Variants in PTPRN2 observed in about 807,000 individuals in gnomAD.
PTPRN2 encodes receptor-type tyrosine-protein phosphatase N2.
A neutral mutation model predicts 118.8 loss-of-function variants in PTPRN2; 74 were observed. The ratio of observed to expected loss-of-function variants is 0.62; its 90% CI spans 0.52 to 0.76. The LOEUF (loss-of-function observed/expected upper bound fraction) is 0.76, where lower values mean the gene tolerates loss of function less well. Ranked by LOEUF, PTPRN2 falls within the 30% of genes least tolerant of loss-of-function variation. PTPRN2 has a pLI of 0.00. For synonymous variants in PTPRN2, 641 were observed against 608.0 expected, an observed-to-expected ratio of 1.05 and a Z score of -0.80; for missense variants, 1,481 against 1,394.4, an observed-to-expected ratio of 1.06 and a Z score of -0.99.
At chr7:158,337,336 C>A (rs1449196485) in intron 2 of PTPRN2, among the ~76,000 whole-genome samples, 9 of 136,776 alleles carry the variant, frequency 6.6e-5, no homozygotes, top group Admixed American at 1.5e-4. Context: ...CACTGTCACC[C>A]TAAGAGGTGA....
intron 12 of PTPRN2, among the ~76,000 whole-genome samples, chr7:157,829,273 G>T (rs755800447): frequency 6.6e-6 from 1 of 152,248 alleles, no homozygotes; most frequent in African/African-American, 2.4e-5. Context: ...TGCTGCGAGT[G>T]TTGGGGCAGG....
intron 11 of PTPRN2, among the ~76,000 whole-genome samples, chr7:157,958,063 A>T (rs183291761): frequency 2.6e-5 from 4 of 152,320 alleles, no homozygotes; most frequent in Non-Finnish European, 4.4e-5. Context: ...ACCAAGTGGG[A>T]TGTATTCCTA....
chr7:157,971,657 G>C (rs1429830993), intron 11 of PTPRN2, among the ~76,000 whole-genome samples: 1 of 150,676 alleles, frequency 6.6e-6, no homozygotes, highest in African/African-American at 2.4e-5. Flanking sequence ...CTTTGATTAA[G>C]ACACAAATCC....
chr7:157,557,113 T>A (rs538462435), intron 21 of PTPRN2, among the ~76,000 whole-genome samples: 1 of 145,352 alleles, frequency 6.9e-6, no homozygotes, highest in Admixed American at 6.8e-5. Context: ...GGCATGCACA[T>A]GCTCACACAA....
chr7:158,340,375 AC>A (rs778846714), intron 2 of PTPRN2, among the ~76,000 whole-genome samples: 7,050 of 64,654 alleles, frequency 0.11, no homozygotes, highest in Middle Eastern at 0.14. Context: ...GGTCACTCAC[AC>A]CCATACTCTC....
At chr7:157,553,412 C>A (rs911093728) in intron 21 of PTPRN2, among the ~76,000 whole-genome samples, 5 of 152,144 alleles carry the variant, frequency 3.3e-5, no homozygotes, top group Non-Finnish European at 7.4e-5. Flanking sequence ...GAGGAAGGGG[C>A]TCTCCCTCCG....
intron 3 of PTPRN2, among the ~76,000 whole-genome samples, chr7:158,235,548 C>T (rs1829475218): frequency 6.6e-6 from 1 of 152,152 alleles, no homozygotes; most frequent in Non-Finnish European, 1.5e-5. Context: ...AAATGGATCT[C>T]ATGAGGGTGC....
At chr7:158,200,750 TA>T (rs1826582133) in intron 4 of PTPRN2, among the ~76,000 whole-genome samples, 1 of 152,130 alleles carries the variant, frequency 6.6e-6, no homozygotes, top group African/African-American at 2.4e-5. Flanking sequence ...ATTTGAAGTT[TA>T]AAAACAACAC....
At chr7:158,230,056 A>G (rs1829066471) in intron 3 of PTPRN2, among the ~76,000 whole-genome samples, 2 of 152,204 alleles carry the variant, frequency 1.3e-5, no homozygotes, top group Admixed American at 1.3e-4. Flanking sequence ...ACTACTCAAC[A>G]GAAACCATAC....
rs1390666500 is a variant in PTPRN2, at chr7:157,560,953, C to A, written c.2902+7949G>T. ...CAGAAGGCTGAGCCTCATGCACCTG[C>A]ACCTCCTTCTCTTGGTGCCTGCGCC... On this transcript the variant is annotated intron_variant, in intron 21 of 22. Transcript: ENST00000389418. The surrounding 1 kb of genome is among the most constrained non-coding windows in gnomAD (Gnocchi z 6.7). 1.3e-5 allele frequency among the ~76,000 whole-genome samples: 2 copies of A among 152,212 alleles called. No homozygotes were observed. The highest frequency in any genetic ancestry group is 2.9e-5 in the Non-Finnish European group (2 of 68,036).
At chr7:157,825,655 C>T (rs1225949676) in intron 12 of PTPRN2, among the ~76,000 whole-genome samples, 1 of 152,188 alleles carries the variant, frequency 6.6e-6, no homozygotes, top group African/African-American at 2.4e-5. Flanking sequence ...CCACTGCCCT[C>T]CACATTTGTT....
At chr7:158,300,483 T>C (rs575274285) in intron 3 of PTPRN2, among the ~76,000 whole-genome samples, 1 of 103,104 alleles carries the variant, frequency 9.7e-6, no homozygotes, top group African/African-American at 3.6e-5. Flanking sequence ...CAACCTATAT[T>C]TTGTGTGAGA....
chr7:158,341,939 A>T (rs1806919140), intron 2 of PTPRN2, among the ~76,000 whole-genome samples: 1 of 127,946 alleles, frequency 7.8e-6, no homozygotes, highest in African/African-American at 3.0e-5. Flanking sequence ...CCACATTCTC[A>T]CCATAAGAGC....
intron 3 of PTPRN2, among the ~76,000 whole-genome samples, chr7:158,300,564 G>GCCCGCCACCCAGTCCCGCAGCGCCTCA (rs1800818356): frequency 6.6e-6 from 1 of 151,880 alleles, no homozygotes; most frequent in Non-Finnish European, 1.5e-5. Context: ...ACAGCGCCTC[G>GCCCGCCACCCAGTCCCGCAGCGCCTCA]CCCGCCACCC....
chr7:157,891,347 C>T (rs967240981), intron 12 of PTPRN2, among the ~76,000 whole-genome samples: 1 of 152,046 alleles, frequency 6.6e-6, no homozygotes. Flanking sequence ...TCGAACACAT[C>T]CGTCACCCAT....
chr7:158,440,987 G>T (rs1295967421), intron 2 of PTPRN2, among the ~76,000 whole-genome samples: 1 of 149,374 alleles, frequency 6.7e-6, no homozygotes, highest in Non-Finnish European at 1.5e-5. Flanking sequence ...TAGTGGTGGT[G>T]GTGATGGCAG....
intron 17 of PTPRN2, among the ~76,000 whole-genome samples, chr7:157,589,887 G>A (rs1251291971): frequency 6.6e-6 from 1 of 152,232 alleles, no homozygotes; most frequent in East Asian, 1.9e-4. Context: ...CGGCGTGGAT[G>A]AAGAGGGAGC....
At chr7:158,434,638 T>G (rs1424422107) in intron 2 of PTPRN2, among the ~76,000 whole-genome samples, 1 of 152,236 alleles carries the variant, frequency 6.6e-6, no homozygotes, top group Non-Finnish European at 1.5e-5. Context: ...CTCATTTATT[T>G]ACAATGAAAT....
chr7:158,331,860 CCAT>C (rs1405810882), intron 2 of PTPRN2, among the ~76,000 whole-genome samples: 2 of 109,624 alleles, frequency 1.8e-5, no homozygotes, highest in Admixed American at 8.5e-5. Flanking sequence ...CAGATTCTCA[CCAT>C]AAGAGCTGAC....
Sources: allele counts gnomAD v4.1 joint callset (sites outside exome capture counted in the v4.1 genomes callset), GRCh38; gene constraint gnomAD v4.1.1; non-coding constraint Gnocchi (gnomAD v3.1); transcripts MANE v1.5; gene names NCBI Gene and HGNC (gene_info 2026-07-23, HGNC 2026-07-21).